TNFAIP8: variants seen among roughly 807,000 people sequenced by gnomAD.
TNFAIP8 encodes tumor necrosis factor alpha-induced protein 8.
TNFAIP8 carries 7 observed loss-of-function variants against 13.3 expected under a neutral mutation model. The observed-to-expected ratio is 0.52, with a 90% confidence interval of 0.30 to 0.99. The LOEUF (loss-of-function observed/expected upper bound fraction) is 0.99, where lower values mean the gene tolerates loss of function less well. TNFAIP8 is among the 50% of genes least tolerant of loss of function. TNFAIP8 has a pLI of 0.07. For missense variants in TNFAIP8, 258 were observed against 236.9 expected, an observed-to-expected ratio of 1.09 and a Z score of -0.58; for synonymous variants, 94 against 87.6, an observed-to-expected ratio of 1.07 and a Z score of -0.41.
At position 119,314,627 on chromosome 5, in the gene TNFAIP8, G is replaced by GT. The variant is rs528343469; in HGVS notation, c.1+45727dup. ...GAGTTCATATCACTGATTGGGATTT[G>GT]TTTTTTTGTTTTTGAGAACCAGAGA... On this transcript the variant is annotated intron_variant, in intron 1 of 1. Transcript: ENST00000274456. Among the ~76,000 whole-genome samples the GT allele has an allele frequency of 1.4e-4, 21 of 152,258 alleles. No individual in the cohort carries two copies. In the South Asian group the frequency reaches 3.7e-3, roughly 27 times the overall value.
chr5:119,272,874 G>T (rs965603169), intron 1 of TNFAIP8, among the ~76,000 whole-genome samples: 2 of 152,216 alleles, frequency 1.3e-5, no homozygotes, highest in Non-Finnish European at 2.9e-5. Flanking sequence ...CTGTCAAGGT[G>T]ACGGGGGGCT....
chr5:119,318,403 G>A (rs1002979766), intron 1 of TNFAIP8, among the ~76,000 whole-genome samples: 24 of 151,988 alleles, frequency 1.6e-4, no homozygotes, highest in Non-Finnish European at 7.4e-5. Context: ...ATCCTCCCAC[G>A]TCAGCTTCCT....
At chr5:119,367,336 G>A (rs1751896529) in intron 1 of TNFAIP8, among the ~76,000 whole-genome samples, 1 of 152,094 alleles carries the variant, frequency 6.6e-6, no homozygotes, top group African/African-American at 2.4e-5. Flanking sequence ...GTCATTCTAT[G>A]GTCTTAGGCA....
intron 1 of TNFAIP8, among the ~76,000 whole-genome samples, chr5:119,327,048 G>C (rs373159084): frequency 7.9e-5 from 12 of 152,066 alleles, no homozygotes; most frequent in African/African-American, 2.9e-4. Flanking sequence ...ATAGGGGCTC[G>C]GGCTCCCATG....
chr5:119,358,480 G>A (rs1751520195), intron 1 of TNFAIP8, among the ~76,000 whole-genome samples: 1 of 152,154 alleles, frequency 6.6e-6, no homozygotes, highest in Non-Finnish European at 1.5e-5. Context: ...ATGAATAAGT[G>A]ATTGTGCTTG....
In TNFAIP8 at chr5:119,323,611, C is replaced by T. The variant is rs182962712; in HGVS notation, c.1+54704C>T. ...TTGTTTTATAGTGCTCTGTATGTTTCCCTCCACTCTGTAGTTTCCAGAGGG... is the reference window on the plus strand; with the variant it reads ...TTGTTTTATAGTGCTCTGTATGTTTTCCTCCACTCTGTAGTTTCCAGAGGG... On this transcript the variant is annotated intron_variant, in intron 1 of 1. Transcript: ENST00000274456. Among the ~76,000 whole-genome samples the T allele has an allele frequency of 3.1e-3, 477 of 152,274 alleles. 2 individuals carry two copies. The highest frequency in any genetic ancestry group is 0.011 in the African/African-American group (452 of 41,556).
intron 1 of TNFAIP8, among the ~76,000 whole-genome samples, chr5:119,325,596 C>T (rs910222300): frequency 9.8e-5 from 15 of 152,286 alleles, no homozygotes; most frequent in East Asian, 7.7e-4. Flanking sequence ...TACAGGCGTC[C>T]GCCACCATAC....
chr5:119,332,281 T>A (rs906833116), intron 1 of TNFAIP8, among the ~76,000 whole-genome samples: 1 of 152,166 alleles, frequency 6.6e-6, no homozygotes, highest in African/African-American at 2.4e-5. Context: ...GTTATTTGCT[T>A]CACGTGGTTC....
At chr5:119,369,525 A>G (rs906102629) in intron 1 of TNFAIP8, among the ~76,000 whole-genome samples, 4 of 152,210 alleles carry the variant, frequency 2.6e-5, no homozygotes, top group African/African-American at 4.8e-5. Context: ...AGGTGTGAGG[A>G]CAGGCATATG....
intron 1 of TNFAIP8, among the ~76,000 whole-genome samples, chr5:119,350,160 A>T (rs1751067392): frequency 6.6e-6 from 1 of 152,190 alleles, no homozygotes; most frequent in Non-Finnish European, 1.5e-5. Context: ...TTCCATATTC[A>T]TGGATTTGGC....
At chr5:119,305,549 A>G (rs1056206973) in intron 1 of TNFAIP8, among the ~76,000 whole-genome samples, 8 of 152,168 alleles carry the variant, frequency 5.3e-5, no homozygotes, top group African/African-American at 1.9e-4. Flanking sequence ...GCACTTGATC[A>G]CACCTTTGAA....
chr5:119,325,572 C>T (rs773465917), intron 1 of TNFAIP8, among the ~76,000 whole-genome samples: 2 of 152,198 alleles, frequency 1.3e-5, no homozygotes, highest in Non-Finnish European at 2.9e-5. Flanking sequence ...CTCAGCCTCC[C>T]GAGTAGCTGG....
intron 1 of TNFAIP8, among the ~76,000 whole-genome samples, chr5:119,377,237 A>G (rs1752318608): frequency 6.6e-6 from 1 of 152,020 alleles, no homozygotes; most frequent in Admixed American, 6.6e-5. Context: ...CCCTGTCTCT[A>G]TCAGAAAATG....
At chr5:119,284,461 A>T (rs1441547393) in intron 1 of TNFAIP8, among the ~76,000 whole-genome samples, 1 of 152,134 alleles carries the variant, frequency 6.6e-6, no homozygotes, top group Non-Finnish European at 1.5e-5. Flanking sequence ...TGGGTGGATC[A>T]CTTGAGGCCA....
In TNFAIP8 at chr5:119,394,614, T is replaced by C. The variant is rs1338775769; in HGVS notation, c.*1233T>C. The C allele has an allele frequency of 6.8e-6, 1 of 146,360 alleles. No individual in the cohort carries two copies. Among genetic ancestry groups the C allele is most frequent in the Non-Finnish European group, 1.5e-5 (1 of 66,860 alleles). 9.1% of individuals were successfully genotyped at this position (146,360 alleles called of 1,614,324 possible). A position where few individuals can be genotyped will look rare whatever the true frequency, so the allele number is the denominator to read the frequency against. On this transcript the variant is annotated 3_prime_UTR_variant, in exon 2 of 2. Coordinates refer to ENST00000504771, the MANE Select transcript of TNFAIP8 (RefSeq NM_014350.4). ...TTCCATTGTCACTGTGTCTATGATT[T>C]TTTTTTTTTTTTTTTTGAGTCTCGC...
intron 1 of TNFAIP8, among the ~76,000 whole-genome samples, chr5:119,327,752 C>A (rs976320810): frequency 1.3e-5 from 2 of 152,128 alleles, no homozygotes; most frequent in African/African-American, 4.8e-5. Flanking sequence ...AGCCACCGTG[C>A]CCGGCCGCGT....
chr5:119,358,074 C>G (rs1751501527), intron 1 of TNFAIP8, among the ~76,000 whole-genome samples: 1 of 149,900 alleles, frequency 6.7e-6, no homozygotes, highest in South Asian at 2.1e-4. Flanking sequence ...TCTATCGTTA[C>G]TAGTCCTTTT....
At chr5:119,317,696 T>A (rs1395617592) in intron 1 of TNFAIP8, among the ~76,000 whole-genome samples, 1 of 151,912 alleles carries the variant, frequency 6.6e-6, no homozygotes, top group Non-Finnish European at 1.5e-5. Flanking sequence ...CCTCCCAGGT[T>A]CAAATGATTC....
intron 1 of TNFAIP8, among the ~76,000 whole-genome samples, chr5:119,391,700 A>C (rs1752897317): frequency 6.6e-6 from 1 of 151,172 alleles, no homozygotes; most frequent in Non-Finnish European, 1.5e-5. Flanking sequence ...TGGAGGTTGC[A>C]GTGAGCCAAG....
Sources: gnomAD v4.1 joint callset for allele counts (sites outside exome capture counted in the v4.1 genomes callset) on GRCh38, gnomAD v4.1.1 for gene constraint, MANE v1.5 for transcripts, NCBI Gene and HGNC (gene_info 2026-07-23, HGNC 2026-07-21) for gene names.